Variants in OSBPL6 observed in about 807,000 individuals in gnomAD.
OSBPL6 encodes oxysterol-binding protein-related protein 6.
In OSBPL6, 49 loss-of-function variants were observed where a neutral mutation model predicts 125.8. The ratio of observed to expected loss-of-function variants is 0.39; its 90% CI spans 0.31 to 0.49. The LOEUF is 0.49. Ranked by LOEUF, OSBPL6 falls within the 20% of genes least tolerant of loss-of-function variation. The probability of loss-of-function intolerance (pLI) is 0.88; values close to 1 mark genes in which losing one functional copy is unlikely to be tolerated. For missense variants in OSBPL6, 986 were observed against 1,135.4 expected (o/e 0.87, Z 1.89); for synonymous variants, 394 against 391.8 (o/e 1.01, Z -0.07).
At chr2:178,337,024 A>G (rs571599759) in intron 9 of OSBPL6, among the ~76,000 whole-genome samples, 91 of 152,256 alleles carry the variant, frequency 6.0e-4, no homozygotes, top group Non-Finnish European at 1.1e-3. Context: ...TGCTTCTCTC[A>G]TACTGCCATC....
intron 3 of OSBPL6, among the ~76,000 whole-genome samples, chr2:178,315,716 C>G (rs62176078): frequency 6.6e-6 from 1 of 152,068 alleles, no homozygotes; most frequent in African/African-American, 2.4e-5. Context: ...ACTGCCTGTT[C>G]GGTTCTCAGG....
At chr2:178,198,840 T>C (rs192367498) in intron 1 of OSBPL6, among the ~76,000 whole-genome samples, 398 of 151,960 alleles carry the variant, frequency 2.6e-3, no homozygotes, top group East Asian at 7.5e-3. Context: ...TGTTAGGGAG[T>C]TGTTGTTATA....
intron 12 of OSBPL6, among the ~76,000 whole-genome samples, chr2:178,351,477 A>G (rs1202828461): frequency 6.6e-6 from 1 of 152,182 alleles, no homozygotes; most frequent in African/African-American, 2.4e-5. Context: ...ATCAAGATCT[A>G]TCCTATTTAT....
chr2:178,379,378 G>A (rs1313911632), intron 15 of OSBPL6, among the ~76,000 whole-genome samples: 1 of 137,320 alleles, frequency 7.3e-6, no homozygotes, highest in African/African-American at 2.7e-5. Context: ...AGGGAGGGAG[G>A]AAAAGGAGAA....
intron 1 of OSBPL6, among the ~76,000 whole-genome samples, chr2:178,271,701 T>A (rs1385396642): frequency 6.6e-6 from 1 of 152,222 alleles, no homozygotes; most frequent in East Asian, 1.9e-4. Context: ...GACAAACATG[T>A]TTATACTTTA....
In OSBPL6 at chr2:178,340,771, T is replaced by C. The variant is rs187035787; in HGVS notation, c.987+1007T>C. On this transcript the variant is annotated intron_variant, in intron 11 of 24. Transcript: ENST00000190611. ...TGAATAATTAACAAAATAATTCTTC[T>C]CTAATTTTGACTTCATTAATAACAT... 2.1e-3 allele frequency among the ~76,000 whole-genome samples: 315 copies of C among 152,320 alleles called. 1 individual carries two copies. Among genetic ancestry groups the C allele is most frequent in the African/African-American group, 6.9e-3 (289 of 41,592 alleles).
At chr2:178,313,512 GA>G (rs1353231091) in intron 3 of OSBPL6, among the ~76,000 whole-genome samples, 1 of 151,862 alleles carries the variant, frequency 6.6e-6, no homozygotes, top group African/African-American at 2.4e-5. Flanking sequence ...AATCAAAGAA[GA>G]AAAAGCCAGC....
At position 178,395,741 on chromosome 2, in the gene OSBPL6, A is replaced by G. The variant is rs553221020; in HGVS notation, c.*182A>G. ...AGACAAGGCCCCTAACCACTTTGGG[A>G]TCCTTTCTGTTTTGCTGCAACCATA... On this transcript the variant is annotated 3_prime_UTR_variant, in exon 25 of 25. Transcript: ENST00000190611. 1,158 of 431,290 alleles carry G rather than the reference A, an allele frequency of 2.7e-3. 31 individuals are homozygous for G. Among genetic ancestry groups the G allele is most frequent in the South Asian group, 0.017 (975 of 56,128 alleles). The allele number at this position is 431,290 out of a possible 1,614,324, so 26.7% of individuals were successfully genotyped here.
chr2:178,300,639 T>G (rs557064487), intron 2 of OSBPL6, among the ~76,000 whole-genome samples: 16 of 152,300 alleles, frequency 1.1e-4, no homozygotes, highest in Middle Eastern at 3.4e-3. Context: ...TTGTGTAGTT[T>G]TAGTAGAGAC....
intron 9 of OSBPL6, 37 bp from the exon 10 acceptor site, chr2:178,338,954 C>A (rs1447818001): frequency 4.0e-6 from 6 of 1,492,990 alleles, no homozygotes; most frequent in South Asian, 2.3e-5. Flanking sequence ...GCTCCCTACC[C>A]AATTTTAACG....
intron 21 of OSBPL6, among the ~76,000 whole-genome samples, chr2:178,390,852 A>G (rs1465087471): frequency 6.6e-6 from 1 of 152,252 alleles, no homozygotes; most frequent in Non-Finnish European, 1.5e-5. Flanking sequence ...TCTCTGTGAT[A>G]TACTACCATG....
At chr2:178,365,883 A>G (rs1574981201) in intron 13 of OSBPL6, among the ~76,000 whole-genome samples, 1 of 152,032 alleles carries the variant, frequency 6.6e-6, no homozygotes. Context: ...ATAATTTCAT[A>G]TCTTTTTTTG....
chr2:178,250,964 A>G (rs1327386884), intron 1 of OSBPL6, among the ~76,000 whole-genome samples: 2 of 152,116 alleles, frequency 1.3e-5, no homozygotes, highest in Non-Finnish European at 2.9e-5. Context: ...GGAATAAAAA[A>G]AAAAAAAGAA....
At chr2:178,300,606 G>A (rs899753534) in intron 2 of OSBPL6, among the ~76,000 whole-genome samples, 20 of 152,200 alleles carry the variant, frequency 1.3e-4, no homozygotes, top group Admixed American at 8.5e-4. Context: ...GATCACAGGC[G>A]TGTGTCACCA....
Position 178,306,141 on chromosome 2 carries a change from T to G in OSBPL6, c.-44T>G, listed in dbSNP as rs372677840. On this transcript the variant is annotated 5_prime_UTR_variant, in exon 3 of 25. Transcript: ENST00000190611. ...CTTTGTTTGTGGATTTGAGAGAAGATTGGGATGGTCTTAAGTGCATAAAAC... is the reference window on the plus strand; with the variant it reads ...CTTTGTTTGTGGATTTGAGAGAAGAGTGGGATGGTCTTAAGTGCATAAAAC... 9.5e-6 allele frequency: 11 copies of G among 1,160,032 alleles called. No homozygotes were observed. The African/African-American group carries it at 1.7e-4, about 18-fold the overall frequency. The allele number at this position is 1,160,032 out of a possible 1,614,324, so 71.9% of individuals were successfully genotyped here. A position where few individuals can be genotyped will look rare whatever the true frequency, so the allele number is the denominator to read the frequency against.
At chr2:178,391,605 A>T (rs1262941754) in intron 22 of OSBPL6, among the ~76,000 whole-genome samples, 1 of 152,228 alleles carries the variant, frequency 6.6e-6, no homozygotes, top group Non-Finnish European at 1.5e-5. Context: ...AAGACTACAA[A>T]CATTTGTAAT....
intron 1 of OSBPL6, among the ~76,000 whole-genome samples, chr2:178,251,769 G>A (rs559564828): frequency 7.9e-5 from 12 of 152,226 alleles, no homozygotes; most frequent in African/African-American, 2.2e-4. Flanking sequence ...AGGCACTGGC[G>A]CCAAATGGAG....
chr2:178,230,644 C>T (rs1307521991), intron 1 of OSBPL6: 1 of 152,104 alleles, frequency 6.6e-6, no homozygotes, highest in Non-Finnish European at 1.5e-5. Context: ...GAATTTAGCC[C>T]TAGGTGTAAC....
At position 178,248,140 on chromosome 2, in the gene OSBPL6, A is replaced by G. The variant is rs183547371; in HGVS notation, c.-350-36787A>G. 7.9e-4 allele frequency among the ~76,000 whole-genome samples: 120 copies of G among 152,340 alleles called. 3 individuals carry two copies. Among genetic ancestry groups the G allele is most frequent in the African/African-American group, 2.7e-3 (113 of 41,572 alleles). On this transcript the variant is annotated intron_variant, in intron 1 of 24. Transcript: ENST00000190611. ...TTCAGAAAGGCTAAATGACTTGACC[A>G]AGATGGCACAGATACTAAGTACCAG...
Sources: gnomAD v4.1 joint callset for allele counts (sites outside exome capture counted in the v4.1 genomes callset) on GRCh38, gnomAD v4.1.1 for gene constraint, MANE v1.5 for transcripts, NCBI Gene and HGNC (gene_info 2026-07-23, HGNC 2026-07-21) for gene names.